TSC22D1: variants seen among roughly 807,000 people sequenced by gnomAD.
The protein encoded by TSC22D1 is TSC22 domain family member 1, also known as TSC22 domain family protein 1.
Under a neutral mutation model 74.2 loss-of-function variants are expected in TSC22D1, and 9 were observed. The ratio of observed to expected loss-of-function variants is 0.12; its 90% confidence interval spans 0.07 to 0.21. The LOEUF (loss-of-function observed/expected upper bound fraction) is 0.21, where lower values mean the gene tolerates loss of function less well. TSC22D1 is among the 10% of genes least tolerant of loss of function. The pLI, the probability that TSC22D1 is intolerant of heterozygous loss-of-function variation, is 1.00. For missense variants in TSC22D1, 1,427 were observed against 1,304.7 expected (o/e 1.09, Z -1.44); for synonymous variants, 586 against 492.5 (o/e 1.19, Z -2.51).
At chr13:44,538,551 A>C in intron 1 of TSC22D1, 2 of 985,416 alleles carry the variant, frequency 2.0e-6, no homozygotes, top group Non-Finnish European at 2.4e-6. Context: ...CCGCTTTTAA[A>C]AGAAAGGAGT....
chr13:44,509,950 C>CAAAAAAAAAAAAAAAAAAAAAAATGAA, intron 1 of TSC22D1, among the ~76,000 whole-genome samples: 1 of 51,426 alleles, frequency 1.9e-5, no homozygotes. Flanking sequence ...AGAAAATAAG[C>CAAAAAAAAAAAAAAAAAAAAAAATGAA]AAAAAAAAAA....
At position 44,434,839 on chromosome 13, in the gene TSC22D1, C is replaced by A; in HGVS notation, c.3009G>T (p.Val1003=). Residue 1003 remains valine (V), a synonymous_variant, in exon 3 of 3, where the codon GTG becomes GTT. Coordinates refer to ENST00000458659, the MANE Select transcript of TSC22D1 (RefSeq NM_183422.4). Reference sequence around the variant, plus strand: ...CTTTGATTTGCTCTTTGAGGACCTCCACTTCTTCTCTGACCGCATACATCA... The same window carrying A: ...CTTTGATTTGCTCTTTGAGGACCTCAACTTCTTCTCTGACCGCATACATCA... ...SHLMYAVREE[V]EVLKEQIKEL... The A allele has an allele frequency of 6.2e-7, 1 of 1,613,994 alleles. No homozygotes were observed.
intron 1 of TSC22D1, among the ~76,000 whole-genome samples, chr13:44,533,937 T>G (rs1880996815): frequency 6.6e-6 from 1 of 152,168 alleles, no homozygotes; most frequent in South Asian, 2.1e-4. Flanking sequence ...TAAGGTGGAA[T>G]AAATAGCAAA....
At chr13:44,436,955 T>C (rs1471462564) in intron 1 of TSC22D1, 3 of 1,013,186 alleles carry the variant, frequency 3.0e-6, no homozygotes, top group African/African-American at 3.4e-5. Context: ...TTCCAGGTCC[T>C]CCCGCTTCCC....
chr13:44,564,624 G>T (rs571054732), intron 1 of TSC22D1, among the ~76,000 whole-genome samples: 2 of 152,254 alleles, frequency 1.3e-5, no homozygotes, highest in Admixed American at 1.3e-4. Flanking sequence ...GCATGATGAA[G>T]CCATCAGTAA....
chr13:44,489,262 G>A (rs1285979515), intron 1 of TSC22D1, among the ~76,000 whole-genome samples: 5 of 149,796 alleles, frequency 3.3e-5, no homozygotes, highest in Admixed American at 1.3e-4. Context: ...AGGTAAAACT[G>A]TTCCTAGAAG....
chr13:44,531,146 G>T (rs1880814275), intron 1 of TSC22D1, among the ~76,000 whole-genome samples: 2 of 152,086 alleles, frequency 1.3e-5, no homozygotes, highest in Admixed American at 1.3e-4. Flanking sequence ...ATCAATACTG[G>T]TTCATCAATT....
intron 1 of TSC22D1, among the ~76,000 whole-genome samples, chr13:44,449,938 CCA>C (rs1875986036): frequency 6.6e-6 from 1 of 152,216 alleles, no homozygotes; most frequent in East Asian, 1.9e-4. Context: ...AGGCTTGGCA[CCA>C]CAGTTATCAA....
chr13:44,468,172 TGG>T (rs1382611243), intron 1 of TSC22D1, among the ~76,000 whole-genome samples: 1 of 152,090 alleles, frequency 6.6e-6, no homozygotes, highest in African/African-American at 2.4e-5. Context: ...AGCTAAGCCA[TGG>T]GTATGCAAAG....
At chr13:44,541,071 T>C (rs1401551242) in intron 1 of TSC22D1, among the ~76,000 whole-genome samples, 1 of 152,210 alleles carries the variant, frequency 6.6e-6, no homozygotes, top group Non-Finnish European at 1.5e-5. Context: ...TCATACCAAC[T>C]AGTTATCACA....
chr13:44,470,467 A>G (rs1316718384), intron 1 of TSC22D1, among the ~76,000 whole-genome samples: 1 of 152,226 alleles, frequency 6.6e-6, no homozygotes, highest in Non-Finnish European at 1.5e-5. Context: ...TCATTCATAC[A>G]AATGATGTAC....
intron 1 of TSC22D1, among the ~76,000 whole-genome samples, chr13:44,476,579 A>T (rs1253858500): frequency 6.6e-6 from 1 of 152,242 alleles, no homozygotes; most frequent in Non-Finnish European, 1.5e-5. Flanking sequence ...CCTTTAATTT[A>T]AAAATCATAG....
intron 1 of TSC22D1, among the ~76,000 whole-genome samples, chr13:44,525,160 G>C (rs1880489301): frequency 6.6e-6 from 1 of 152,024 alleles, no homozygotes; most frequent in South Asian, 2.1e-4. Flanking sequence ...AAAGCCCAGG[G>C]GCACTGTCCC....
At chr13:44,532,851 A>C (rs1595142043) in intron 1 of TSC22D1, among the ~76,000 whole-genome samples, 1 of 152,130 alleles carries the variant, frequency 6.6e-6, no homozygotes, top group African/African-American at 2.4e-5. Context: ...TAATATGTAG[A>C]AGACTTGGGC....
intron 1 of TSC22D1, among the ~76,000 whole-genome samples, chr13:44,451,891 T>C (rs1876166478): frequency 6.6e-6 from 1 of 152,216 alleles, no homozygotes; most frequent in Non-Finnish European, 1.5e-5. Context: ...CCGCCATGGC[T>C]GACCGAGGAG....
chr13:44,528,882 A>T (rs1423240143), intron 1 of TSC22D1, among the ~76,000 whole-genome samples: 1 of 152,118 alleles, frequency 6.6e-6, no homozygotes, highest in Admixed American at 6.6e-5. Flanking sequence ...GTTAAGTTAG[A>T]TGAAATGGGC....
chr13:44,439,823 C>T (rs977023516), intron 1 of TSC22D1, among the ~76,000 whole-genome samples: 4 of 152,198 alleles, frequency 2.6e-5, no homozygotes, highest in African/African-American at 9.7e-5. Context: ...GAGGAACAGG[C>T]CTGAGTGTTT....
Position 44,574,085 on chromosome 13 carries a change from G to C in TSC22D1, c.1990C>G (p.Gln664Glu). 1 of 1,614,238 alleles carries C rather than the reference G, an allele frequency of 6.2e-7. No individual in the cohort carries two copies. Among genetic ancestry groups the C allele is most frequent in the Non-Finnish European group, 8.5e-7 (1 of 1,180,044 alleles). Residue 664 changes from glutamine (Q) to glutamate (E), a missense_variant, in exon 1 of 3, where the codon CAA becomes GAA. This residue lies in a region of TSC22D1 where 1,343 missense variants were observed against 1,191.5 expected (regional missense o/e 1.13). Transcript: ENST00000458659. ...SEYVQQQPIL[Q>E]TAMSSGQPSS... ...GGCTGTCCGGAGGACATTGCTGTTT[G>C]AAGAATTGGCTGCTGTTGTACATAC...
In TSC22D1 at chr13:44,573,528, T is replaced by A; in HGVS notation, c.2547A>T (p.Thr849=). ...TGPSGMPSAP[T]NLVPPQNIAQ... The stretch of plus-strand genomic sequence containing the variant: ...CTATATTTTGTGGTGGAACCAAGTT[T>A]GTTGGGGCAGAAGGCATTCCAGAAG... The change falls in exon 1 of 3, where the codon ACA becomes ACT. Residue 849 remains threonine (T), a synonymous_variant. Transcript: ENST00000458659. 1 of 1,614,208 alleles carries A rather than the reference T, an allele frequency of 6.2e-7. No individual in the cohort carries two copies. Among genetic ancestry groups the A allele is most frequent in the South Asian group, 1.1e-5 (1 of 91,082 alleles).
Sources: gnomAD v4.1 joint callset for allele counts (sites outside exome capture counted in the v4.1 genomes callset) on GRCh38, gnomAD v4.1.1 for gene constraint, gnomAD v4.1.1 regional missense constraint, MANE v1.5 for transcripts, NCBI Gene and HGNC (gene_info 2026-07-23, HGNC 2026-07-21) for gene names.